Variants in CCDC33 observed in about 807,000 individuals in gnomAD.
CCDC33 encodes coiled-coil domain containing 33.
In CCDC33, 94 loss-of-function variants were observed where a neutral mutation model predicts 91.9. The ratio of observed to expected loss-of-function variants is 1.02; its 90% CI spans 0.87 to 1.21. The LOEUF (loss-of-function observed/expected upper bound fraction) is 1.21, where lower values mean the gene tolerates loss of function less well. CCDC33 is among the 50% of genes most tolerant of loss of function. The pLI, the probability that CCDC33 is intolerant of heterozygous loss-of-function variation, is 0.00. For missense variants in CCDC33, 940 were observed against 935.5 expected (o/e 1.00, Z -0.06); for synonymous variants, 396 against 374.5 (o/e 1.06, Z -0.66).
intron 11 of CCDC33, among the ~76,000 whole-genome samples, chr15:74,297,579 A>G (rs2059713305): frequency 6.6e-6 from 1 of 152,228 alleles, no homozygotes; most frequent in Non-Finnish European, 1.5e-5. Context: ...CTGTAGTCTC[A>G]GCTACTCAGG....
intron 11 of CCDC33, among the ~76,000 whole-genome samples, chr15:74,309,414 C>T (rs2059950162): frequency 1.3e-5 from 2 of 152,206 alleles, no homozygotes; most frequent in African/African-American, 4.8e-5. Context: ...AATGCCCTTC[C>T]TGAGCAGCTT....
At chr15:74,324,625 G>T (rs2060271968) in intron 11 of CCDC33, among the ~76,000 whole-genome samples, 1 of 148,162 alleles carries the variant, frequency 6.7e-6, no homozygotes, top group South Asian at 2.1e-4. Context: ...CTCCACAGTT[G>T]CCAGACGCTG....
chr15:74,291,099 A>G (rs1359247346), intron 10 of CCDC33, among the ~76,000 whole-genome samples: 1 of 152,238 alleles, frequency 6.6e-6, no homozygotes, highest in African/African-American at 2.4e-5. Context: ...CCCACCAAGG[A>G]TTAACACTGG....
At chr15:74,205,017 C>T (rs2074229037) in intron 1 of CCDC33, among the ~76,000 whole-genome samples, 1 of 152,176 alleles carries the variant, frequency 6.6e-6, no homozygotes, top group Admixed American at 6.5e-5. Context: ...GCTGGTTTGG[C>T]AGCGAGCAAG....
At chr15:74,234,758 G>A (rs940871402), upstream of CCDC33, among the ~76,000 whole-genome samples, 5 of 152,350 alleles carry the variant, frequency 3.3e-5, no homozygotes, top group South Asian at 4.1e-4. Context: ...CCCGAGCCCC[G>A]GGGACTGAGG....
At chr15:74,313,956 A>G in intron 11 of CCDC33, among the ~76,000 whole-genome samples, 1 of 152,052 alleles carries the variant, frequency 6.6e-6, no homozygotes, top group Non-Finnish European at 1.5e-5. Flanking sequence ...ATCTCCTACC[A>G]GCCCCTCCTT....
intron 2 of CCDC33, among the ~76,000 whole-genome samples, chr15:74,219,899 T>C (rs2074545297): frequency 6.6e-6 from 1 of 152,032 alleles, no homozygotes; most frequent in Non-Finnish European, 1.5e-5. Flanking sequence ...TGAGCAGAGA[T>C]TGGAGCCAGA....
intron 9 of CCDC33, 140 bp from the exon 10 acceptor site, chr15:74,281,638 A>G (rs2059365866): frequency 2.8e-6 from 2 of 711,516 alleles, no homozygotes; most frequent in Non-Finnish European, 2.4e-6. Flanking sequence ...CAAAAGCAGG[A>G]GGCCAGCTCC....
At chr15:74,254,744 C>CTTTT (rs756927130) in intron 2 of CCDC33, among the ~76,000 whole-genome samples, 11 of 126,400 alleles carry the variant, frequency 8.7e-5, no homozygotes, top group African/African-American at 1.8e-4. Flanking sequence ...TACCCTCCTT[C>CTTTT]TTTTTTTTTT....
intron 2 of CCDC33, among the ~76,000 whole-genome samples, chr15:74,228,173 G>A (rs2074858824): frequency 6.6e-6 from 1 of 152,180 alleles, no homozygotes; most frequent in Non-Finnish European, 1.5e-5. Flanking sequence ...GAAGCAGCTG[G>A]ACCCACCTTG....
At chr15:74,253,779 G>A (rs554130371) in intron 2 of CCDC33, among the ~76,000 whole-genome samples, 29 of 152,300 alleles carry the variant, frequency 1.9e-4, no homozygotes, top group Non-Finnish European at 3.5e-4. Flanking sequence ...AGAGCACCTG[G>A]CTCATTCAGA....
At chr15:74,261,149 A>G (rs537929340) in intron 2 of CCDC33, among the ~76,000 whole-genome samples, 1 of 152,334 alleles carries the variant, frequency 6.6e-6, no homozygotes, top group South Asian at 2.1e-4. Flanking sequence ...GTCAAAGCAC[A>G]GCAGGAGTCC....
upstream of CCDC33, chr15:74,213,037 A>G (rs1362063261): frequency 6.6e-6 from 1 of 152,164 alleles, no homozygotes; most frequent in Non-Finnish European, 1.5e-5. Context: ...CGACATTATG[A>G]AACCCCGTCT....
intron 11 of CCDC33, among the ~76,000 whole-genome samples, chr15:74,307,052 CGGT>C (rs1319947449): frequency 1.3e-5 from 2 of 152,166 alleles, no homozygotes; most frequent in African/African-American, 2.4e-5. Flanking sequence ...GTGAGATGGC[CGGT>C]GCTGCCAGGT....
At position 74,330,290 on chromosome 15, in the gene CCDC33, G is replaced by T; in HGVS notation, c.1392G>T (p.Arg464Ser). 1 of 1,611,960 alleles carries T rather than the reference G, an allele frequency of 6.2e-7. No homozygotes were observed. Among genetic ancestry groups the T allele is most frequent in the Non-Finnish European group, 8.5e-7 (1 of 1,179,630 alleles). The change falls in exon 12 of 19, where the codon AGG becomes AGT. Residue 464 changes from arginine (R) to serine (S), a missense_variant. Arg to Ser is a moderately radical substitution (Grantham distance 110). Coordinates refer to ENST00000398814, the MANE Select transcript of CCDC33 (RefSeq NM_025055.5). ...SILEGENRILRSRLAQQEEEE... is the reference protein window; with the variant it reads ...SILEGENRILSSRLAQQEEEE... ...TGGAAGGAGAGAACCGCATACTGAGGAGCCGCCTGGCCCAGCAGGAGGAGG... is the reference window on the plus strand; with the variant it reads ...TGGAAGGAGAGAACCGCATACTGAGTAGCCGCCTGGCCCAGCAGGAGGAGG...
chr15:74,297,741 A>C (rs1443708248), intron 11 of CCDC33, among the ~76,000 whole-genome samples: 1 of 151,660 alleles, frequency 6.6e-6, no homozygotes, highest in African/African-American at 2.4e-5. Flanking sequence ...AAGAAAGAAG[A>C]GGGAAGGTGC....
At chr15:74,335,182 T>C (rs1240317710) in intron 18 of CCDC33, 94 bp downstream of exon 18, 8 of 977,146 alleles carry the variant, frequency 8.2e-6, no homozygotes, top group East Asian at 2.4e-5. Flanking sequence ...AGAAAAGCCA[T>C]TGTGGAGCCA....
intron 1 of CCDC33, among the ~76,000 whole-genome samples, chr15:74,238,176 C>T (rs190998499): frequency 6.6e-4 from 101 of 152,012 alleles, no homozygotes; most frequent in Non-Finnish European, 1.2e-3. Context: ...CCTGTAATCC[C>T]AGCACTTTGG....
chr15:74,245,756 G>A (rs1050679517), intron 2 of CCDC33, among the ~76,000 whole-genome samples: 2 of 151,748 alleles, frequency 1.3e-5, no homozygotes, highest in African/African-American at 4.8e-5. Context: ...GGGCGGGAGG[G>A]TGGGGACAGA....
Sources: gnomAD v4.1 joint callset for allele counts (sites outside exome capture counted in the v4.1 genomes callset) on GRCh38, gnomAD v4.1.1 for gene constraint, MANE v1.5 for transcripts, NCBI Gene and HGNC (gene_info 2026-07-23, HGNC 2026-07-21) for gene names.